The following NUBPL variants were observed in gnomAD, a reference collection of about 807,000 sequenced individuals.
NUBPL encodes iron-sulfur cluster transfer protein NUBPL.
In NUBPL, 31 loss-of-function variants were observed where a neutral mutation model predicts 45.7. The ratio of observed to expected loss-of-function variants is 0.68; its 90% CI spans 0.51 to 0.92. NUBPL has a LOEUF of 0.92. Ranked by LOEUF, NUBPL falls within the 40% of genes least tolerant of loss-of-function variation. NUBPL has a pLI of 0.00. For synonymous variants in NUBPL, 144 were observed against 140.9 expected (o/e 1.02, Z -0.15); for missense variants, 401 against 398.7 (o/e 1.01, Z -0.05).
intron 4 of NUBPL, among the ~76,000 whole-genome samples, chr14:31,639,735 C>T (rs2035625656): frequency 6.6e-6 from 1 of 152,204 alleles, no homozygotes; most frequent in African/African-American, 2.4e-5. Context: ...GTGGGCTCCA[C>T]CCAGTTCGAG....
chr14:31,647,292 G>A (rs1376510766), intron 4 of NUBPL, among the ~76,000 whole-genome samples: 1 of 152,170 alleles, frequency 6.6e-6, no homozygotes. Flanking sequence ...TGCAATGAAG[G>A]ATTAGTTATT....
At position 31,809,549 on chromosome 14, in the gene NUBPL, G is replaced by T. The variant is rs185404332; in HGVS notation, c.608-17080G>T. ...TTGCTAGCAGTCTGTCAATTTTGTTGATCTTTTCAAAAAACCAGCTCCTGG... is the reference window on the plus strand; with the variant it reads ...TTGCTAGCAGTCTGTCAATTTTGTTTATCTTTTCAAAAAACCAGCTCCTGG... On this transcript the variant is annotated intron_variant, in intron 7 of 10. Transcript: ENST00000281081. 1.8e-3 allele frequency among the ~76,000 whole-genome samples: 278 copies of T among 152,010 alleles called. 1 individual carries two copies. The highest frequency in any genetic ancestry group is 6.4e-3 in the African/African-American group (264 of 41,474).
intron 6 of NUBPL, among the ~76,000 whole-genome samples, chr14:31,712,646 G>A (rs1223133381): frequency 6.6e-6 from 1 of 152,272 alleles, no homozygotes; most frequent in Non-Finnish European, 1.5e-5. Flanking sequence ...GGCCAAGGGG[G>A]CACCAAGAGT....
intron 6 of NUBPL, among the ~76,000 whole-genome samples, chr14:31,709,082 C>T (rs2139918052): frequency 6.6e-6 from 1 of 152,220 alleles, no homozygotes; most frequent in Middle Eastern, 3.4e-3. Context: ...CTCTTGGTCC[C>T]TGTTATAGAA....
intron 6 of NUBPL, among the ~76,000 whole-genome samples, chr14:31,753,795 G>A (rs2038586359): frequency 6.6e-6 from 1 of 152,144 alleles, no homozygotes; most frequent in Admixed American, 6.6e-5. Flanking sequence ...CAGGGTTTTT[G>A]TCACTTCCTT....
intron 7 of NUBPL, among the ~76,000 whole-genome samples, chr14:31,817,325 G>T (rs1187356150): frequency 6.6e-6 from 1 of 151,974 alleles, no homozygotes. Flanking sequence ...GAAACACAGA[G>T]AACACTGCAA....
intron 6 of NUBPL, among the ~76,000 whole-genome samples, chr14:31,702,928 C>T (rs1173691660): frequency 5.9e-5 from 9 of 152,318 alleles, no homozygotes; most frequent in African/African-American, 1.9e-4. Flanking sequence ...TTTTGTACTA[C>T]ATAAATTCTC....
intron 7 of NUBPL, among the ~76,000 whole-genome samples, chr14:31,792,490 T>A (rs2039400357): frequency 6.6e-6 from 1 of 152,064 alleles, no homozygotes; most frequent in African/African-American, 2.4e-5. Context: ...CTGATTCATA[T>A]GCCTTGAACA....
chr14:31,812,609 G>A (rs944083942), intron 7 of NUBPL, among the ~76,000 whole-genome samples: 4 of 152,154 alleles, frequency 2.6e-5, no homozygotes, highest in African/African-American at 4.8e-5. Flanking sequence ...GCGATGCCCC[G>A]CCCTGCTTCC....
Position 31,859,547 on chromosome 14 carries a change from G to T in NUBPL, c.*367G>T, listed in dbSNP as rs1420316774. 8.8e-6 allele frequency: 3 copies of T among 340,672 alleles called. No homozygotes were observed. The highest frequency in any genetic ancestry group is 4.2e-5 in the Admixed American group (1 of 23,708). The allele number at this position is 340,672 out of a possible 1,614,324, so 21.1% of individuals were successfully genotyped here. A position where few individuals can be genotyped will look rare whatever the true frequency, so the allele number is the denominator to read the frequency against. On this transcript the variant is annotated 3_prime_UTR_variant, in exon 11 of 11. Coordinates refer to ENST00000281081, the MANE Select transcript of NUBPL (RefSeq NM_025152.3). ...AATTTAAATGATATACTAAATTTGT[G>T]TATGGGCATAAGTATTACGCCTTCC...
intron 4 of NUBPL, among the ~76,000 whole-genome samples, chr14:31,601,558 C>T (rs745448835): frequency 1.5e-4 from 23 of 151,986 alleles, no homozygotes; most frequent in Non-Finnish European, 2.8e-4. Flanking sequence ...AACAAACAAC[C>T]CCATCAAAAA....
chr14:31,698,663 T>C (rs1264407866), intron 6 of NUBPL, among the ~76,000 whole-genome samples: 1 of 152,204 alleles, frequency 6.6e-6, no homozygotes, highest in Non-Finnish European at 1.5e-5. Context: ...ATAGATTCTT[T>C]TGGCTACTGC....
At chr14:31,816,381 CT>C in intron 7 of NUBPL, among the ~76,000 whole-genome samples, 1 of 152,214 alleles carries the variant, frequency 6.6e-6, no homozygotes, top group South Asian at 2.1e-4. Context: ...GTGATATCCC[CT>C]TTATCATTTT....
At position 31,561,439 on chromosome 14, in the gene NUBPL, C is replaced by A. The variant is rs45468395; in HGVS notation, c.-1C>A. 1 of 1,405,576 alleles carries A rather than the reference C, an allele frequency of 7.1e-7. No individual in the cohort carries two copies. Among genetic ancestry groups the A allele is most frequent in the Non-Finnish European group, 9.4e-7 (1 of 1,069,288 alleles). The allele number at this position is 1,405,576 out of a possible 1,614,324, so 87.1% of individuals were successfully genotyped here. On this transcript the variant is annotated 5_prime_UTR_variant, in exon 1 of 11. Transcript: ENST00000281081. ...CAGGGCTCACAGCAGCGTTCCGCGT[C>A]ATGGGGATTTGGCAGCGTCTGCTGC...
At chr14:31,741,885 G>GT (rs998672536) in intron 6 of NUBPL, among the ~76,000 whole-genome samples, 5 of 151,988 alleles carry the variant, frequency 3.3e-5, no homozygotes, top group African/African-American at 1.2e-4. Flanking sequence ...AGTTTGTTCA[G>GT]TTTTTTACCT....
intron 6 of NUBPL, chr14:31,703,305 C>T (rs1402277351): frequency 6.6e-6 from 1 of 152,490 alleles, no homozygotes; most frequent in Non-Finnish European, 1.5e-5. Flanking sequence ...ATCCATAGTG[C>T]CCTTCTTACC....
chr14:31,687,538 A>C (rs1040359275), intron 6 of NUBPL, among the ~76,000 whole-genome samples: 1 of 152,256 alleles, frequency 6.6e-6, no homozygotes, highest in African/African-American at 2.4e-5. Flanking sequence ...ACTGTACTAC[A>C]TACTATACTG....
intron 8 of NUBPL, among the ~76,000 whole-genome samples, chr14:31,833,568 A>G (rs11848123): frequency 6.6e-6 from 1 of 152,028 alleles, no homozygotes; most frequent in Non-Finnish European, 1.5e-5. Flanking sequence ...AGTAGACCCC[A>G]AAATATATAA....
chr14:31,766,091 T>G (rs978956052), intron 6 of NUBPL, among the ~76,000 whole-genome samples: 1 of 152,212 alleles, frequency 6.6e-6, no homozygotes, highest in Admixed American at 6.5e-5. Flanking sequence ...AATTTATATC[T>G]CAAAGCACAC....
Sources: gnomAD v4.1 joint callset for allele counts (sites outside exome capture counted in the v4.1 genomes callset) on GRCh38, gnomAD v4.1.1 for gene constraint, MANE v1.5 for transcripts, NCBI Gene and HGNC (gene_info 2026-07-23, HGNC 2026-07-21) for gene names.